Variants in ST3GAL1 observed in about 807,000 individuals in gnomAD.
The protein encoded by ST3GAL1 is CMP-N-acetylneuraminate-beta-galactosamide-alpha-2,3-sialyltransferase 1.
In ST3GAL1, 16 loss-of-function variants were observed where a neutral mutation model predicts 34.1. That is an observed-to-expected ratio of 0.47 (90% confidence interval 0.32 to 0.71). The LOEUF (loss-of-function observed/expected upper bound fraction) is 0.71. Ranked by LOEUF, ST3GAL1 falls within the 30% of genes least tolerant of loss-of-function variation. ST3GAL1 has a pLI of 0.04. For missense variants in ST3GAL1, 353 were observed against 447.4 expected (o/e 0.79, Z 1.90); for synonymous variants, 191 against 184.7 (o/e 1.03, Z -0.28).
chr8:133,464,672 A>G (rs1372440086), intron 7 of ST3GAL1, 106 bp downstream of exon 7: 4 of 1,274,318 alleles, frequency 3.1e-6, no homozygotes, highest in Non-Finnish European at 4.3e-6. Context: ...AGGCTGGGGG[A>G]GGGGAGGCAC....
Position 133,456,222 on chromosome 8 carries a change from G to C in ST3GAL1, c.*3542C>G, listed in dbSNP as rs1815292230. On this transcript the variant is annotated 3_prime_UTR_variant, in exon 10 of 10. Transcript: ENST00000522652. The stretch of plus-strand genomic sequence containing the variant: ...TCTGCCCTCCTTTCTCCCCTAAAAG[G>C]TGGCTGAGGGGAGGAGAGGTGCATG... 1 of 152,196 alleles carries C rather than the reference G, an allele frequency of 6.6e-6. No homozygotes were observed. The highest frequency in any genetic ancestry group is 1.5e-5 in the Non-Finnish European group (1 of 68,044). 9.4% of individuals were successfully genotyped at this position (152,196 alleles called of 1,614,324 possible).
At chr8:133,492,425 A>T (rs1816813053) in intron 3 of ST3GAL1, among the ~76,000 whole-genome samples, 1 of 152,108 alleles carries the variant, frequency 6.6e-6, no homozygotes, top group South Asian at 2.1e-4. Flanking sequence ...TTCTCTTTCA[A>T]AGTGAAGAAA....
intron 2 of ST3GAL1, among the ~76,000 whole-genome samples, chr8:133,531,150 T>C (rs965712963): frequency 6.6e-6 from 1 of 151,606 alleles, no homozygotes; most frequent in Non-Finnish European, 1.5e-5. Context: ...TTTTTAGAAA[T>C]AATGTGAAAT....
intron 1 of ST3GAL1, among the ~76,000 whole-genome samples, chr8:133,557,026 A>G (rs1048517584): frequency 5.9e-5 from 9 of 152,172 alleles, no homozygotes; most frequent in African/African-American, 2.2e-4. Context: ...TGACCCTCCC[A>G]ACCTGGGAGA....
chr8:133,478,391 T>TGTA (rs1187872529), intron 3 of ST3GAL1, among the ~76,000 whole-genome samples: 2 of 152,200 alleles, frequency 1.3e-5, no homozygotes, highest in African/African-American at 4.8e-5. Flanking sequence ...ATGTGGAACA[T>TGTA]CCTGCTGGCT....
intron 1 of ST3GAL1, among the ~76,000 whole-genome samples, chr8:133,569,884 CAGG>C (rs1819514565): frequency 6.6e-6 from 1 of 152,228 alleles, no homozygotes; most frequent in Non-Finnish European, 1.5e-5. Context: ...ACGAACAGGC[CAGG>C]AGTAGAGCCC....
At chr8:133,555,147 G>C (rs1818972567) in intron 1 of ST3GAL1, among the ~76,000 whole-genome samples, 1 of 152,154 alleles carries the variant, frequency 6.6e-6, no homozygotes, top group African/African-American at 2.4e-5. Flanking sequence ...GGACTGCTCA[G>C]CCTTTCCAGA....
intron 2 of ST3GAL1, among the ~76,000 whole-genome samples, chr8:133,534,344 ATATTATATGTTAT>A (rs1245406856): frequency 6.6e-6 from 1 of 151,040 alleles, no homozygotes; most frequent in Non-Finnish European, 1.5e-5. Flanking sequence ...ATATTATATA[ATATTATATGTTAT>A]AATATATATA....
intron 1 of ST3GAL1, among the ~76,000 whole-genome samples, chr8:133,559,372 C>T (rs899221108): frequency 6.6e-6 from 1 of 152,174 alleles, no homozygotes; most frequent in East Asian, 1.9e-4. Context: ...AGGTTGGAAC[C>T]AGTTCTTCAA....
chr8:133,536,248 G>A (rs1818306950), intron 2 of ST3GAL1, among the ~76,000 whole-genome samples: 1 of 152,128 alleles, frequency 6.6e-6, no homozygotes, highest in Non-Finnish European at 1.5e-5. Flanking sequence ...CCCTGAACGT[G>A]GTGAGCCTTG....
chr8:133,493,336 G>A (rs917008097), intron 3 of ST3GAL1, among the ~76,000 whole-genome samples: 5 of 152,234 alleles, frequency 3.3e-5, no homozygotes, highest in Non-Finnish European at 7.3e-5. Context: ...AACGAAGACT[G>A]GAAGGGCAGG....
rs76541813 is a variant in ST3GAL1, at chr8:133,543,793, A to ACAT, written c.-429+1978_-429+1980dup. 4.9e-3 allele frequency among the ~76,000 whole-genome samples: 743 copies of ACAT among 151,310 alleles called. 4 individuals carry two copies. The highest frequency in any genetic ancestry group is 0.016 in the Admixed American group (248 of 15,168). On this transcript the variant is annotated intron_variant, in intron 2 of 9. Coordinates refer to ENST00000522652, the MANE Select transcript of ST3GAL1 (RefSeq NM_173344.3). ...TGGACAAAAAATATTATCACTGTTA[A>ACAT]CATCATCATCATCATCATCATCATC...
intron 3 of ST3GAL1, among the ~76,000 whole-genome samples, chr8:133,477,611 C>T (rs16904930): frequency 0.15 from 23,399 of 151,718 alleles, 2,452 homozygotes; most frequent in East Asian, 0.58. Flanking sequence ...CAGATTACTA[C>T]GGCTGGAGGG....
intron 2 of ST3GAL1, among the ~76,000 whole-genome samples, chr8:133,501,951 C>A (rs892186198): frequency 6.6e-6 from 1 of 152,154 alleles, no homozygotes; most frequent in African/African-American, 2.4e-5. Context: ...CCAAGCAGGT[C>A]AGCAACACAG....
At position 133,459,836 on chromosome 8, in the gene ST3GAL1, A is replaced by C; in HGVS notation, c.951T>G (p.Asp317Glu). The C allele has an allele frequency of 6.2e-7, 1 of 1,614,128 alleles. No individual in the cohort carries two copies. The highest frequency in any genetic ancestry group is 8.5e-7 in the Non-Finnish European group (1 of 1,179,996). The change falls in exon 10 of 10, where the codon GAT becomes GAG. Residue 317 changes from aspartate to glutamate, a missense_variant. Transcript: ENST00000522652. The surrounding 1 kb of genome is among the most constrained non-coding windows in gnomAD (Gnocchi z 4.7). ...CCGTCACGTTAGACTCAAAGTCTGC[A>C]TCGTGCACCCCCGTCTTGCGAAAAG... ...AGAFRKTGVH[D>E]ADFESNVTAT... is the part of the protein sequence containing the mutation.
At position 133,571,171 on chromosome 8, in the gene ST3GAL1, G is replaced by T. The variant is rs543037878; in HGVS notation, c.-582+522C>A. On this transcript the variant is annotated intron_variant, in intron 1 of 9. Coordinates refer to ENST00000522652, the MANE Select transcript of ST3GAL1 (RefSeq NM_173344.3). The surrounding 1 kb of genome is among the most constrained non-coding windows in gnomAD (Gnocchi z 6.7). ...TCCGGATACTGTCCCACGGCCGCTC[G>T]TCCAGAACACTGGCGGCCTCCGCGG... is the stretch of plus-strand genomic sequence containing the variant. Among the ~76,000 whole-genome samples, 1 of 152,330 alleles carries T rather than the reference G, an allele frequency of 6.6e-6. No individual in the cohort carries two copies. The highest frequency in any genetic ancestry group is 6.5e-5 in the Admixed American group (1 of 15,310).
At chr8:133,490,810 C>T (rs923847391) in intron 3 of ST3GAL1, among the ~76,000 whole-genome samples, 7 of 152,208 alleles carry the variant, frequency 4.6e-5, no homozygotes, top group African/African-American at 1.7e-4. Flanking sequence ...GTGATTGCAA[C>T]TGGCACATCG....
chr8:133,541,106 T>TAAAC lies in ST3GAL1; in HGVS notation c.-429+4667_-429+4668insGTTT, dbSNP rs1563734604. Reference sequence around the variant, plus strand: ...ACATATATATATAAACATATATATATATATATATATATATAGAGAGAGAGA... The same window carrying TAAAC: ...ACATATATATATAAACATATATATATAAACATATATATATATATAGAGAGAGAGA... On this transcript the variant is annotated intron_variant, in intron 2 of 9. Coordinates refer to ENST00000522652, the MANE Select transcript of ST3GAL1 (RefSeq NM_173344.3). 3.0e-4 allele frequency among the ~76,000 whole-genome samples: 15 copies of TAAAC among 50,314 alleles called. No homozygotes were observed. The South Asian group carries it at 3.7e-3, about 12-fold the overall frequency. The allele number at this position is 50,314 out of a possible 152,430, so 33.0% of individuals were successfully genotyped here.
At chr8:133,517,223 G>T (rs1817672238) in intron 2 of ST3GAL1, among the ~76,000 whole-genome samples, 1 of 152,240 alleles carries the variant, frequency 6.6e-6, no homozygotes, top group Admixed American at 6.5e-5. Context: ...TCCAAGCTAT[G>T]TGACCTTGAG....
Sources: allele counts gnomAD v4.1 joint callset (sites outside exome capture counted in the v4.1 genomes callset), GRCh38; gene constraint gnomAD v4.1.1; non-coding constraint Gnocchi (gnomAD v3.1); transcripts MANE v1.5; gene names NCBI Gene and HGNC (gene_info 2026-07-23, HGNC 2026-07-21).